SUMF1: variants seen among roughly 807,000 people sequenced by gnomAD.
SUMF1 encodes the protein sulfatase modifying factor 1.
Under a neutral mutation model 47.6 loss-of-function variants are expected in SUMF1, and 48 were observed. That is an observed-to-expected ratio of 1.01 (90% CI 0.80 to 1.28). The LOEUF (loss-of-function observed/expected upper bound fraction) is 1.28, where lower values mean the gene tolerates loss of function less well. Among genes scored for constraint, SUMF1 ranks in the 50% most tolerant of loss-of-function variants. The probability of loss-of-function intolerance (pLI) is 0.00; values close to 1 mark genes in which losing one functional copy is unlikely to be tolerated. For synonymous variants in SUMF1, 230 were observed against 192.1 expected (o/e 1.20, Z -1.63); for missense variants, 571 against 485.4 (o/e 1.18, Z -1.66).
intron 8 of SUMF1, 148 bp downstream of exon 8, chr3:4,376,182 G>A (rs1700320687): frequency 1.9e-5 from 19 of 986,602 alleles, no homozygotes; most frequent in East Asian, 4.8e-5. Context: ...CCAAATTTGA[G>A]ATGACTGTCC....
rs139852281 is a variant in SUMF1, at chr3:4,224,064, G to A, written c.1014+152266C>T. ...CAGGCAAAAGAACCAGGGGCCGGGG[G>A]TGGAGTGTGATGAAGATGGACAAAA... On this transcript the variant is annotated intron_variant and NMD_transcript_variant, in intron 8 of 12. Coordinates refer to the SUMF1 transcript ENST00000448413. 2.4e-3 allele frequency among the ~76,000 whole-genome samples: 371 copies of A among 152,232 alleles called. 4 individuals are homozygous for A. The highest frequency in any genetic ancestry group is 7.5e-4 in the Non-Finnish European group (51 of 68,012).
intron 8 of SUMF1, among the ~76,000 whole-genome samples, chr3:4,169,382 G>C (rs1312100455): frequency 6.6e-6 from 1 of 152,088 alleles, no homozygotes; most frequent in South Asian, 2.1e-4. Flanking sequence ...TTTATAAAAA[G>C]GGGAAATTTG....
At chr3:4,160,189 T>C (rs1000479663) in intron 8 of SUMF1, among the ~76,000 whole-genome samples, 1 of 152,138 alleles carries the variant, frequency 6.6e-6, no homozygotes, top group African/African-American at 2.4e-5. Flanking sequence ...CCAATAACTC[T>C]TAGATTTGCC....
At chr3:4,385,464 A>G (rs1351012294) in intron 7 of SUMF1, among the ~76,000 whole-genome samples, 1 of 151,812 alleles carries the variant, frequency 6.6e-6, no homozygotes, top group Non-Finnish European at 1.5e-5. Flanking sequence ...CACGTGTTCT[A>G]ATTGGATTGT....
chr3:4,100,718 T>C (rs1693013209), intron 8 of SUMF1, among the ~76,000 whole-genome samples: 1 of 151,880 alleles, frequency 6.6e-6, no homozygotes, highest in South Asian at 2.1e-4. Flanking sequence ...AAGAGACAAC[T>C]CACAAATTGA....
rs62257656 is a variant in SUMF1, at chr3:4,066,819, C to T, written c.1191+1750G>A. On this transcript the variant is annotated intron_variant and NMD_transcript_variant, in intron 9 of 12. Coordinates refer to the SUMF1 transcript ENST00000448413. The stretch of plus-strand genomic sequence containing the variant: ...TCAATGACAGGACCTAGACCGAACA[C>T]CTGGCATTTCCATAACAGTTCCTGT... 5.1e-3 allele frequency among the ~76,000 whole-genome samples: 772 copies of T among 152,270 alleles called. 2 individuals are homozygous for T. The highest frequency in any genetic ancestry group is 7.5e-3 in the Non-Finnish European group (510 of 68,014).
chr3:4,164,644 G>A (rs937164653), intron 8 of SUMF1, among the ~76,000 whole-genome samples: 3 of 152,160 alleles, frequency 2.0e-5, no homozygotes, highest in Non-Finnish European at 4.4e-5. Flanking sequence ...TGAGGGCCAT[G>A]ACTAAGGCTG....
chr3:4,092,047 G>A (rs933569895), intron 8 of SUMF1, among the ~76,000 whole-genome samples: 11 of 152,046 alleles, frequency 7.2e-5, no homozygotes, highest in African/African-American at 2.4e-4. Flanking sequence ...GAAATGCCTT[G>A]CTGGGTATCC....
At chr3:4,227,167 C>T (rs370237785) in intron 8 of SUMF1, among the ~76,000 whole-genome samples, 2 of 152,072 alleles carry the variant, frequency 1.3e-5, no homozygotes, top group East Asian at 1.9e-4. Flanking sequence ...TTGGGTATAA[C>T]GATATGGTTA....
chr3:4,270,725 G>A (rs999636663), intron 8 of SUMF1, among the ~76,000 whole-genome samples: 1 of 152,138 alleles, frequency 6.6e-6, no homozygotes, highest in East Asian at 1.9e-4. Flanking sequence ...AATTAATCAG[G>A]TCTGGAATGG....
chr3:4,126,926 T>C (rs1163927907), intron 8 of SUMF1, among the ~76,000 whole-genome samples: 6 of 152,244 alleles, frequency 3.9e-5, no homozygotes, highest in East Asian at 1.9e-4. Context: ...AAGTCACTGA[T>C]ACTTAAAAGA....
chr3:4,396,302 T>C lies in SUMF1; in HGVS notation c.954+14563A>G, dbSNP rs112833146. On this transcript the variant is annotated intron_variant, in intron 7 of 8. Coordinates refer to ENST00000272902, the MANE Select transcript of SUMF1 (RefSeq NM_182760.4). ...TTTCGAATAAATCATTCGACTATTC[T>C]AGTTTCAGACACACAAACCTCTCTA... Among the ~76,000 whole-genome samples the C allele has an allele frequency of 2.1e-4, 32 of 152,360 alleles. 2 individuals are homozygous for C. The highest frequency in any genetic ancestry group is 7.7e-4 in the African/African-American group (32 of 41,588).
chr3:4,291,633 C>T (rs1432987720), intron 8 of SUMF1, among the ~76,000 whole-genome samples: 2 of 152,112 alleles, frequency 1.3e-5, no homozygotes, highest in East Asian at 1.9e-4. Context: ...TTCCATGATC[C>T]TGTTTGATTG....
intron 8 of SUMF1, among the ~76,000 whole-genome samples, chr3:4,230,962 G>T (rs898614254): frequency 6.6e-6 from 1 of 152,110 alleles, no homozygotes. Flanking sequence ...TGCTTTAAAG[G>T]GAGGTACATG....
At chr3:4,465,504 A>C (rs2079920980) in intron 1 of SUMF1, among the ~76,000 whole-genome samples, 1 of 152,004 alleles carries the variant, frequency 6.6e-6, no homozygotes, top group African/African-American at 2.4e-5. Flanking sequence ...AAGAAAAAAG[A>C]AAGAGAGATT....
At chr3:4,230,519 G>A (rs1696275013) in intron 8 of SUMF1, among the ~76,000 whole-genome samples, 1 of 152,094 alleles carries the variant, frequency 6.6e-6, no homozygotes, top group East Asian at 1.9e-4. Context: ...GGCACATGGG[G>A]CAAGAAAGGA....
At chr3:4,388,616 T>C (rs1449949157) in intron 7 of SUMF1, among the ~76,000 whole-genome samples, 1 of 152,112 alleles carries the variant, frequency 6.6e-6, no homozygotes, top group Non-Finnish European at 1.5e-5. Context: ...GTTTTCTGTC[T>C]GTTCTCTATT....
At chr3:4,445,036 T>C (rs59124329) in intron 3 of SUMF1, among the ~76,000 whole-genome samples, 4,439 of 152,226 alleles carry the variant, frequency 0.029, 211 homozygotes, top group African/African-American at 0.1. Flanking sequence ...GGGATGGGAA[T>C]CGGTAATGAC....
chr3:4,193,985 T>A (rs985649048), intron 8 of SUMF1, among the ~76,000 whole-genome samples: 2 of 152,150 alleles, frequency 1.3e-5, no homozygotes, highest in African/African-American at 4.8e-5. Context: ...AACGTAAGTA[T>A]GCCAAAAAAC....
Sources: allele counts gnomAD v4.1 joint callset (sites outside exome capture counted in the v4.1 genomes callset), GRCh38; gene constraint gnomAD v4.1.1; transcripts MANE v1.5; gene names NCBI Gene and HGNC (gene_info 2026-07-23, HGNC 2026-07-21).